Variants in FKBP8 observed in about 807,000 individuals in gnomAD.
The protein encoded by FKBP8 is FKBP prolyl isomerase 8.
A neutral mutation model predicts 41.7 loss-of-function variants in FKBP8; 5 were observed. The ratio of observed to expected loss-of-function variants is 0.12; its 90% CI spans 0.06 to 0.25. FKBP8 has a LOEUF of 0.25. Among genes scored for constraint, FKBP8 ranks in the 10% least tolerant of loss-of-function variants. The probability of loss-of-function intolerance (pLI) is 1.00; values close to 1 mark genes in which losing one functional copy is unlikely to be tolerated. For synonymous variants in FKBP8, 279 were observed against 254.5 expected (o/e 1.10, Z -0.92); for missense variants, 397 against 563.0 (o/e 0.71, Z 2.98).
At position 18,541,708 on chromosome 19, in the gene FKBP8, G is replaced by A. The variant is rs552738926; in HGVS notation, c.263C>T (p.Pro88Leu). 1.6e-5 allele frequency: 25 copies of A among 1,611,512 alleles called. No individual in the cohort carries two copies. Among genetic ancestry groups the A allele is most frequent in the African/African-American group, 4.0e-5 (3 of 74,992 alleles). Residue 88 changes from proline to leucine, a missense_variant, in exon 2 of 9, where the codon CCG becomes CTG. By Grantham distance (98) the Pro-to-Leu change is moderately conservative (BLOSUM62 -3). This residue lies in a region of FKBP8 where 172 missense variants were observed against 196.2 expected (regional missense o/e 0.88). Coordinates refer to ENST00000608443, the MANE Select transcript of FKBP8 (RefSeq NM_012181.5). ...AAMEPEPAPA[P>L]APEEWLDILG... ...AATGTCCAGCCACTCTTCTGGGGCC[G>A]GGGCTGGGGCGGGCTCGGGCTCCAT...
At position 18,539,498 on chromosome 19, in the gene FKBP8, AG is replaced by A. The variant is rs752037622; in HGVS notation, c.463-40del. The A allele has an allele frequency of 3.1e-6, 5 of 1,611,756 alleles. No homozygotes were observed. The East Asian group carries it at 1.1e-4, about 36-fold the overall frequency. The stretch of plus-strand genomic sequence containing the variant: ...GGATAGCCAGCTGTCAGGCAGACTC[AG>A]ACCCAGCAAGGCACGCCCCTCGCCC... On this transcript the variant is annotated intron_variant, in intron 3 of 8. Transcript: ENST00000608443.
At position 18,537,534 on chromosome 19, in the gene FKBP8, C is replaced by T; in HGVS notation, c.945+67G>A. ...TATATACCTATGCCTTTCTCAAATG[C>T]AGGGTTGGGGACCACCCCGTATACC... On this transcript the variant is annotated intron_variant, in intron 6 of 8. Transcript: ENST00000608443. The surrounding 1 kb of genome is among the most constrained non-coding windows in gnomAD (Gnocchi z 4.4). The T allele has an allele frequency of 1.4e-6, 2 of 1,438,704 alleles. No homozygotes were observed. Among genetic ancestry groups the T allele is most frequent in the Non-Finnish European group, 9.2e-7 (1 of 1,081,880 alleles). 89.1% of individuals were successfully genotyped at this position (1,438,704 alleles called of 1,614,324 possible). A position where few individuals can be genotyped will look rare whatever the true frequency, so the allele number is the denominator to read the frequency against.
chr19:18,537,763 C>T lies in FKBP8; in HGVS notation c.783G>A (p.Thr261=), dbSNP rs960358136. The change falls in exon 6 of 9, where the codon ACG becomes ACA. Residue 261 remains threonine, a synonymous_variant. Coordinates refer to ENST00000608443, the MANE Select transcript of FKBP8 (RefSeq NM_012181.5). This position sits in a 1 kb window ranked among gnomAD's most constrained non-coding sequence, Gnocchi z 4.4. ...GCAGGAGCTGTGCCTCCTCCTCGAA[C>T]GTCATGTCCACTATTGGGAGACAGT... ...AITSSAKVDM[T]FEEEAQLLQL... is the part of the protein sequence containing the mutation. 4 of 1,610,950 alleles carry T rather than the reference C, an allele frequency of 2.5e-6. No homozygotes were observed. Among genetic ancestry groups the T allele is most frequent in the East Asian group, 2.2e-5 (1 of 44,852 alleles).
intron 6 of FKBP8, chr19:18,535,843 G>C (rs1014602746): frequency 6.6e-6 from 1 of 152,118 alleles, no homozygotes; most frequent in African/African-American, 2.4e-5. Flanking sequence ...TCAGAGCAGA[G>C]AAACAGCATC....
chr19:18,537,591 T>C lies in FKBP8; in HGVS notation c.945+10A>G, dbSNP rs775516936. 9 of 1,574,960 alleles carry C rather than the reference T, an allele frequency of 5.7e-6. No individual in the cohort carries two copies. The highest frequency in any genetic ancestry group is 6.9e-6 in the Non-Finnish European group (8 of 1,157,534). On this transcript the variant is annotated intron_variant, in intron 6 of 8. Coordinates refer to ENST00000608443, the MANE Select transcript of FKBP8 (RefSeq NM_012181.5). The surrounding 1 kb of genome is among the most constrained non-coding windows in gnomAD (Gnocchi z 4.4). The stretch of plus-strand genomic sequence containing the variant: ...TGAGTGACCCGGCCTGGCACCCCGG[T>C]GTGGCCTACCTTGCCCTTGCGGAAG...
At chr19:18,540,871 CAAAA>C (rs397859115) in intron 2 of FKBP8, among the ~76,000 whole-genome samples, 1 of 71,446 alleles carries the variant, frequency 1.4e-5, no homozygotes. Context: ...GACTCTGTCT[CAAAA>C]AAAAAAAAAA....
intron 6 of FKBP8, among the ~76,000 whole-genome samples, chr19:18,536,777 A>G (rs1469430387): frequency 6.6e-6 from 1 of 152,252 alleles, no homozygotes; most frequent in African/African-American, 2.4e-5. Flanking sequence ...TAGATGGACA[A>G]GAGGCATGTC....
intron 1 of FKBP8, chr19:18,543,027 T>A: frequency 2.4e-6 from 1 of 422,426 alleles, no homozygotes; most frequent in Non-Finnish European, 3.7e-6. Flanking sequence ...ACGGGCCAGC[T>A]CCCCCCACAG....
Position 18,541,835 on chromosome 19 carries a change from C to A in FKBP8, c.136G>T (p.Glu46Ter). ...GGTGGCAGCTCACTCAGGTCATCCT[C>A]TTCCTCCTCTTCCTCCTCCTCTTCC... ...EEEEEEEEEEEDDLSELPPLE... is the reference protein window; with the variant it reads ...EEEEEEEEEE The change falls in exon 2 of 9, where the codon GAG (glutamate) becomes TAG (stop). Residue 46 changes from glutamate (E) to a stop codon, truncating the protein, a stop_gained. Transcript: ENST00000608443. LOFTEE classifies it high-confidence loss of function. 1 of 1,613,392 alleles carries A rather than the reference C, an allele frequency of 6.2e-7. No homozygotes were observed. Among genetic ancestry groups the A allele is most frequent in the Non-Finnish European group, 8.5e-7 (1 of 1,179,636 alleles).
In FKBP8 at chr19:18,538,515, A is replaced by G; in HGVS notation, c.552-79T>C. 2 of 1,246,456 alleles carry G rather than the reference A, an allele frequency of 1.6e-6. No homozygotes were observed. The highest frequency in any genetic ancestry group is 2.2e-6 in the Non-Finnish European group (2 of 899,524). The allele number at this position is 1,246,456 out of a possible 1,614,324, so 77.2% of individuals were successfully genotyped here. ...CCGCTGGGCTGGCTAGGAAGGAGTG[A>G]GCTTGGCTCAAGCCCCCGATCTGTC... is the stretch of plus-strand genomic sequence containing the variant. On this transcript the variant is annotated intron_variant, in intron 4 of 8. Coordinates refer to ENST00000608443, the MANE Select transcript of FKBP8 (RefSeq NM_012181.5). This position sits in a 1 kb window ranked among gnomAD's most constrained non-coding sequence, Gnocchi z 4.0.
intron 2 of FKBP8, among the ~76,000 whole-genome samples, chr19:18,541,156 T>C (rs1025509265): frequency 6.6e-6 from 1 of 152,156 alleles, no homozygotes; most frequent in Non-Finnish European, 1.5e-5. Context: ...TGGGGGCTCA[T>C]GTAGTTTTCT....
chr19:18,533,740 C>T (rs1012504901), intron 6 of FKBP8, among the ~76,000 whole-genome samples: 4 of 151,404 alleles, frequency 2.6e-5, no homozygotes, highest in African/African-American at 9.7e-5. Flanking sequence ...GGCGCAGTGG[C>T]TCATGCCTGT....
At chr19:18,534,554 A>G (rs532255747) in intron 6 of FKBP8, among the ~76,000 whole-genome samples, 1 of 151,806 alleles carries the variant, frequency 6.6e-6, no homozygotes, top group East Asian at 1.9e-4. Context: ...CGAGAGGCCG[A>G]ATGGATGCTT....
intron 6 of FKBP8, among the ~76,000 whole-genome samples, chr19:18,535,538 A>G (rs187545344): frequency 1.3e-5 from 2 of 152,006 alleles, no homozygotes; most frequent in East Asian, 3.9e-4. Context: ...TTGGGAGGTC[A>G]AGGCAGGTGG....
Position 18,532,034 on chromosome 19 carries a change from G to A in FKBP8, c.*135C>T, listed in dbSNP as rs893529751. 2.6e-5 allele frequency: 20 copies of A among 755,428 alleles called. No individual in the cohort carries two copies. The Admixed American group carries it at 4.0e-4, about 15-fold the overall frequency. 46.8% of individuals were successfully genotyped at this position (755,428 alleles called of 1,614,324 possible). On this transcript the variant is annotated 3_prime_UTR_variant, in exon 9 of 9. Coordinates refer to ENST00000608443, the MANE Select transcript of FKBP8 (RefSeq NM_012181.5). ...GTCCCTCCTGCTGGCTGGGCTGCAC[G>A]ACCCCCAATCCTTGCTCCCCTAACC...
intron 1 of FKBP8, chr19:18,542,978 C>G: frequency 9.7e-7 from 1 of 1,029,650 alleles, no homozygotes; most frequent in Non-Finnish European, 1.3e-6. Context: ...AATTCGGCCT[C>G]CCCTCCCACC....
At position 18,538,462 on chromosome 19, in the gene FKBP8, C is replaced by G. The variant is rs761642167; in HGVS notation, c.552-26G>C. 22 of 1,597,234 alleles carry G rather than the reference C, an allele frequency of 1.4e-5. No homozygotes were observed. Among genetic ancestry groups the G allele is most frequent in the Non-Finnish European group, 1.8e-5 (21 of 1,172,290 alleles). ...CTAGTTGGGTGGGAGCAGGCAGGGG[C>G]AGCACTCAGACCTGGTGACCCCTAA... On this transcript the variant is annotated intron_variant, in intron 4 of 8. Transcript: ENST00000608443. The surrounding 1 kb of genome is among the most constrained non-coding windows in gnomAD (Gnocchi z 4.0).
intron 1 of FKBP8, 38 bp from the exon 2 acceptor site, chr19:18,542,033 C>T (rs765196636): frequency 2.3e-5 from 36 of 1,572,268 alleles, no homozygotes; most frequent in Admixed American, 5.2e-5. Context: ...CAGAATCCTA[C>T]ACAGCCCCTC....
In FKBP8 at chr19:18,534,614, A is replaced by G. The variant is rs1457461981; in HGVS notation, c.946-1267T>C. Among the ~76,000 whole-genome samples the G allele has an allele frequency of 2.0e-5, 3 of 150,862 alleles. No individual in the cohort carries two copies. The East Asian group carries it at 5.8e-4, about 29-fold the overall frequency. On this transcript the variant is annotated intron_variant, in intron 6 of 8. Transcript: ENST00000608443. ...TCTTTCCTTTAGAGACAGGGTCTTG[A>G]TCGGTCACCCAGGCTGGAGTGCAAT...
Sources: gnomAD v4.1 joint callset for allele counts (sites outside exome capture counted in the v4.1 genomes callset) on GRCh38, gnomAD v4.1.1 for gene constraint, gnomAD v4.1.1 regional missense constraint, Gnocchi (gnomAD v3.1) non-coding constraint, MANE v1.5 for transcripts, NCBI Gene and HGNC (gene_info 2026-07-23, HGNC 2026-07-21) for gene names.